Variants in CNOT6L observed in about 807,000 individuals in gnomAD.
CNOT6L encodes CCR4-NOT transcription complex subunit 6-like.
CNOT6L carries 7 observed loss-of-function variants against 64.0 expected under a neutral mutation model. The observed-to-expected ratio is 0.11, with a 90% CI of 0.06 to 0.21. The LOEUF is 0.21. Among genes scored for constraint, CNOT6L ranks in the 10% least tolerant of loss-of-function variants. The pLI, the probability that CNOT6L is intolerant of heterozygous loss-of-function variation, is 1.00. For synonymous variants in CNOT6L, 193 were observed against 243.4 expected, an observed-to-expected ratio of 0.79 and a Z score of 1.93; for missense variants, 245 against 669.0, an observed-to-expected ratio of 0.37 and a Z score of 6.99.
chr4:77,802,715 T>C (rs1400702305), intron 1 of CNOT6L, among the ~76,000 whole-genome samples: 2 of 152,212 alleles, frequency 1.3e-5, no homozygotes, highest in Admixed American at 6.5e-5. Context: ...ACCAAAAGCA[T>C]AGACCCTAAT....
At chr4:77,742,068 C>T in intron 8 of CNOT6L, 73 bp downstream of exon 8, 1 of 1,403,332 alleles carries the variant, frequency 7.1e-7, no homozygotes, top group East Asian at 2.4e-5. Flanking sequence ...TAGGGCAAAA[C>T]CAAAGACAAT....
intron 5 of CNOT6L, among the ~76,000 whole-genome samples, chr4:77,755,223 G>GTTTTTTTTTTTTT (rs869054667): frequency 1.4e-5 from 1 of 70,392 alleles, no homozygotes; most frequent in Non-Finnish European, 2.4e-5. Context: ...AGAGACAAGA[G>GTTTTTTTTTTTTT]TTTTTTTTTT....
intron 1 of CNOT6L, among the ~76,000 whole-genome samples, chr4:77,779,597 A>G (rs1469859887): frequency 3.3e-5 from 5 of 152,174 alleles, no homozygotes; most frequent in Non-Finnish European, 7.3e-5. Context: ...ATATGTAAAA[A>G]CCAAAGTAAG....
chr4:77,799,295 C>T (rs1009461611), intron 1 of CNOT6L, among the ~76,000 whole-genome samples: 5 of 152,132 alleles, frequency 3.3e-5, no homozygotes, highest in Non-Finnish European at 7.3e-5. Flanking sequence ...AATGGTGGCA[C>T]GCACCTGTAG....
chr4:77,741,676 G>A (rs1303008687), intron 8 of CNOT6L, among the ~76,000 whole-genome samples: 1 of 152,026 alleles, frequency 6.6e-6, no homozygotes, highest in Non-Finnish European at 1.5e-5. Context: ...CTTTGTGTCT[G>A]TTGTGTCTAG....
chr4:77,792,190 C>G (rs560452907), intron 1 of CNOT6L, among the ~76,000 whole-genome samples: 5 of 152,224 alleles, frequency 3.3e-5, no homozygotes, highest in Admixed American at 2.0e-4. Flanking sequence ...TATGTCTCTT[C>G]TTTTTGAAAC....
At position 77,819,354 on chromosome 4, in the gene CNOT6L, AG is replaced by A. The variant is rs760723047; in HGVS notation, c.-47del. 1 of 1,612,392 alleles carries A rather than the reference AG, an allele frequency of 6.2e-7. No individual in the cohort carries two copies. The highest frequency in any genetic ancestry group is 1.1e-5 in the South Asian group (1 of 91,016). On this transcript the variant is annotated 5_prime_UTR_variant, in exon 1 of 12. Transcript: ENST00000504123. ...GCAACAGCAGCCATTTCCCCGCGGC[AG>A]GGGAAACACACACACAAACACGCGC... is the stretch of plus-strand genomic sequence containing the variant.
At position 77,774,708 on chromosome 4, in the gene CNOT6L, G is replaced by A. The variant is rs1240531858; in HGVS notation, c.136C>T (p.Arg46Trp). Reference sequence around the variant, plus strand: ...GACCAAAGTGATGTACTTAGGCTCCGCACTCTACCTAAAAGGCAAAATACT... The same window carrying A: ...GACCAAAGTGATGTACTTAGGCTCCACACTCTACCTAAAAGGCAAAATACT... Reference protein sequence around the residue: ...WAELEISGRVRSLSTSLWSLT... With the variant: ...WAELEISGRVWSLSTSLWSLT... Residue 46 changes from arginine (R) to tryptophan (W), a missense_variant, in exon 3 of 12, where the codon CGG becomes TGG. Arg to Trp is a moderately radical substitution (Grantham distance 101). Coordinates refer to ENST00000504123, the MANE Select transcript of CNOT6L (RefSeq NM_144571.3). 2.5e-6 allele frequency: 4 copies of A among 1,578,064 alleles called. No homozygotes were observed. Among genetic ancestry groups the A allele is most frequent in the Non-Finnish European group, 3.4e-6 (4 of 1,164,892 alleles).
Position 77,756,843 on chromosome 4 carries a change from C to T in CNOT6L, c.490+19G>A, listed in dbSNP as rs1205159154. The T allele has an allele frequency of 1.3e-6, 2 of 1,504,756 alleles. No homozygotes were observed. Among genetic ancestry groups the T allele is most frequent in the Admixed American group, 3.5e-5 (2 of 56,346 alleles). 93.2% of individuals were successfully genotyped at this position (1,504,756 alleles called of 1,614,324 possible). ...AATATCTGTAGAATTTATTTTACAGCTTTGTCACTAACAGTTACCTGCGAG... is the reference window on the plus strand; with the variant it reads ...AATATCTGTAGAATTTATTTTACAGTTTTGTCACTAACAGTTACCTGCGAG... On this transcript the variant is annotated intron_variant, in intron 5 of 11. Transcript: ENST00000504123.
chr4:77,740,796 T>C (rs2109935215), intron 8 of CNOT6L, among the ~76,000 whole-genome samples: 1 of 152,336 alleles, frequency 6.6e-6, no homozygotes, highest in Middle Eastern at 3.4e-3. Context: ...CCAGTGATGA[T>C]GTAGGTGTCT....
At chr4:77,756,156 G>C (rs1458641473) in intron 5 of CNOT6L, among the ~76,000 whole-genome samples, 4 of 152,016 alleles carry the variant, frequency 2.6e-5, no homozygotes. Context: ...GCTAATTTTT[G>C]TATGTTTAGT....
chr4:77,786,450 T>C (rs1455127767), intron 1 of CNOT6L, among the ~76,000 whole-genome samples: 2 of 152,008 alleles, frequency 1.3e-5, no homozygotes, highest in African/African-American at 4.8e-5. Flanking sequence ...CCTGTCTGTA[T>C]TGCTAAAGAA....
chr4:77,733,671 G>A (rs182754908), intron 8 of CNOT6L, among the ~76,000 whole-genome samples: 86 of 152,036 alleles, frequency 5.7e-4, no homozygotes, highest in Admixed American at 2.4e-3. Context: ...TCTTTGGGGC[G>A]TAGGGGCAGG....
chr4:77,803,946 C>T (rs541061634), intron 1 of CNOT6L, among the ~76,000 whole-genome samples: 12 of 151,882 alleles, frequency 7.9e-5, no homozygotes, highest in African/African-American at 2.2e-4. Context: ...TGTAAAACAG[C>T]GCTGCTACTG....
intron 4 of CNOT6L, among the ~76,000 whole-genome samples, chr4:77,764,331 AAAGAT>A (rs1274054859): frequency 6.6e-6 from 1 of 152,204 alleles, no homozygotes; most frequent in East Asian, 1.9e-4. Flanking sequence ...TATTCCAGAA[AAAGAT>A]AATAAAATTA....
intron 1 of CNOT6L, among the ~76,000 whole-genome samples, chr4:77,797,980 C>CA (rs973224405): frequency 1.3e-5 from 2 of 152,038 alleles, no homozygotes; most frequent in African/African-American, 4.8e-5. Flanking sequence ...ATCCATAAAA[C>CA]AAAAAATTGA....
intron 1 of CNOT6L, among the ~76,000 whole-genome samples, chr4:77,776,793 T>C (rs2110067509): frequency 6.6e-6 from 1 of 152,324 alleles, no homozygotes; most frequent in South Asian, 2.1e-4. Flanking sequence ...CCTAAGACAA[T>C]CAGCACATGA....
chr4:77,789,376 T>C (rs1423338309), intron 1 of CNOT6L, among the ~76,000 whole-genome samples: 1 of 151,210 alleles, frequency 6.6e-6, no homozygotes, highest in East Asian at 2.0e-4. Flanking sequence ...TCAAATACAA[T>C]GCAAGGACCT....
intron 6 of CNOT6L, among the ~76,000 whole-genome samples, chr4:77,747,243 T>C (rs981971205): frequency 6.6e-6 from 1 of 152,160 alleles, no homozygotes; most frequent in South Asian, 2.1e-4. Flanking sequence ...GCTCACTGTA[T>C]GTAAACTCCG....
Sources: allele counts gnomAD v4.1 joint callset (sites outside exome capture counted in the v4.1 genomes callset), GRCh38; gene constraint gnomAD v4.1.1; transcripts MANE v1.5; gene names NCBI Gene and HGNC (gene_info 2026-07-23, HGNC 2026-07-21).